YAP1: variants seen among roughly 807,000 people sequenced by gnomAD.
YAP1 encodes the protein transcriptional coactivator YAP1.
In YAP1, 5 loss-of-function variants were observed where a neutral mutation model predicts 56.9. The observed-to-expected ratio is 0.09, with a 90% confidence interval of 0.05 to 0.18. The LOEUF (loss-of-function observed/expected upper bound fraction) is 0.18. Ranked by LOEUF, YAP1 falls within the 10% of genes least tolerant of loss-of-function variation. The pLI is 1.00. For synonymous variants in YAP1, 265 were observed against 248.1 expected (o/e 1.07, Z -0.64); for missense variants, 539 against 651.8 (o/e 0.83, Z 1.88).
At chr11:102,226,400 C>T (rs1950198449) in intron 7 of YAP1, among the ~76,000 whole-genome samples, 1 of 152,150 alleles carries the variant, frequency 6.6e-6, no homozygotes, top group African/African-American at 2.4e-5. Context: ...GAGCTTTTAG[C>T]CTTGAGCAAT....
intron 4 of YAP1, among the ~76,000 whole-genome samples, chr11:102,193,869 C>T (rs1298773064): frequency 8.1e-5 from 12 of 148,740 alleles, no homozygotes; most frequent in South Asian, 2.1e-4. Context: ...GACGGAGTCT[C>T]GCTCTGTCGC....
chr11:102,111,273 C>T, intron 1 of YAP1, 104 bp downstream of exon 1: 1 of 1,404,262 alleles, frequency 7.1e-7, no homozygotes, highest in Non-Finnish European at 9.6e-7. Flanking sequence ...AGGGGGGTTG[C>T]GGGAACTCTA....
intron 4 of YAP1, among the ~76,000 whole-genome samples, chr11:102,199,038 GAGA>G (rs1208568310): frequency 6.6e-6 from 1 of 152,188 alleles, no homozygotes; most frequent in Non-Finnish European, 1.5e-5. Flanking sequence ...GTTTGTGGAG[GAGA>G]AGGAGAGAGG....
At chr11:102,199,013 T>C (rs1948710548) in intron 4 of YAP1, among the ~76,000 whole-genome samples, 1 of 152,166 alleles carries the variant, frequency 6.6e-6, no homozygotes, top group South Asian at 2.1e-4. Flanking sequence ...AGAGAATGTA[T>C]GTGTATGTCT....
intron 2 of YAP1, among the ~76,000 whole-genome samples, chr11:102,116,954 A>G (rs1943323121): frequency 6.6e-6 from 1 of 152,124 alleles, no homozygotes; most frequent in Non-Finnish European, 1.5e-5. Flanking sequence ...GGGCTTATAA[A>G]ATTTTGTATT....
At chr11:102,215,766 A>T (rs113683955) in intron 6 of YAP1, among the ~76,000 whole-genome samples, 7,577 of 152,292 alleles carry the variant, frequency 0.05, 595 homozygotes, top group African/African-American at 0.17. Flanking sequence ...GTCATGAGCC[A>T]CTGCGCCTGG....
intron 2 of YAP1, among the ~76,000 whole-genome samples, chr11:102,136,817 C>T (rs575065855): frequency 2.4e-4 from 37 of 152,212 alleles, no homozygotes; most frequent in East Asian, 1.2e-3. Flanking sequence ...CACTTCTGTC[C>T]GTAATAGTTG....
intron 3 of YAP1, among the ~76,000 whole-genome samples, chr11:102,169,185 A>G (rs1946765350): frequency 6.6e-6 from 1 of 152,222 alleles, no homozygotes; most frequent in Non-Finnish European, 1.5e-5. Context: ...TGTTGTGAGC[A>G]TTAAATGACA....
intron 6 of YAP1, among the ~76,000 whole-genome samples, chr11:102,220,369 C>G (rs912693446): frequency 2.6e-5 from 4 of 152,012 alleles, no homozygotes; most frequent in African/African-American, 9.7e-5. Flanking sequence ...AAACCAAAGA[C>G]CTTTAATTTG....
At chr11:102,141,052 C>G (rs911759782) in intron 2 of YAP1, among the ~76,000 whole-genome samples, 1 of 152,148 alleles carries the variant, frequency 6.6e-6, no homozygotes, top group African/African-American at 2.4e-5. Flanking sequence ...TTGTGCCTCA[C>G]CCCCATCTTT....
chr11:102,164,124 G>A (rs1946456709), intron 3 of YAP1, among the ~76,000 whole-genome samples: 1 of 150,710 alleles, frequency 6.6e-6, no homozygotes, highest in South Asian at 2.1e-4. Context: ...TGCAACCTCT[G>A]CCTCCCAGGT....
chr11:102,223,042 G>A (rs1459270394), intron 6 of YAP1, among the ~76,000 whole-genome samples: 24 of 151,582 alleles, frequency 1.6e-4, no homozygotes, highest in Admixed American at 1.4e-3. Context: ...TCAAGAGATC[G>A]AGACCATCCT....
At chr11:102,118,729 C>T (rs1331561416) in intron 2 of YAP1, among the ~76,000 whole-genome samples, 1 of 142,050 alleles carries the variant, frequency 7.0e-6, no homozygotes, top group Admixed American at 7.3e-5. Flanking sequence ...CCAGCCTGGG[C>T]GACAGAGCCA....
chr11:102,179,675 C>T (rs1229795877), intron 3 of YAP1, among the ~76,000 whole-genome samples: 1 of 152,072 alleles, frequency 6.6e-6, no homozygotes, highest in East Asian at 1.9e-4. Flanking sequence ...TTTTTCTTTC[C>T]CATTTTTCAT....
At chr11:102,223,072 C>T (rs934515404) in intron 6 of YAP1, among the ~76,000 whole-genome samples, 4 of 139,546 alleles carry the variant, frequency 2.9e-5, no homozygotes, top group East Asian at 2.2e-4. Flanking sequence ...GGTGAAACCC[C>T]GTCTCTACTA....
At chr11:102,158,071 T>C (rs1946056428) in intron 2 of YAP1, among the ~76,000 whole-genome samples, 2 of 152,190 alleles carry the variant, frequency 1.3e-5, no homozygotes, top group Admixed American at 1.3e-4. Context: ...GGAACCAGTT[T>C]GTTAGGTAGC....
At chr11:102,223,198 A>G (rs1022357478) in intron 6 of YAP1, among the ~76,000 whole-genome samples, 10 of 151,378 alleles carry the variant, frequency 6.6e-5, no homozygotes, top group African/African-American at 2.2e-4. Context: ...CAGTGAGCCA[A>G]GATTGCACCA....
intron 2 of YAP1, among the ~76,000 whole-genome samples, chr11:102,129,652 A>G (rs1291957150): frequency 6.6e-6 from 1 of 151,348 alleles, no homozygotes; most frequent in Non-Finnish European, 1.5e-5. Context: ...TTACCCATAG[A>G]TGATGGCTGA....
intron 2 of YAP1, among the ~76,000 whole-genome samples, chr11:102,148,463 G>A (rs913652579): frequency 1.3e-5 from 2 of 152,126 alleles, no homozygotes; most frequent in Non-Finnish European, 2.9e-5. Context: ...TGGTTTAGTG[G>A]TGGTTCACTC....
Sources: allele counts gnomAD v4.1 joint callset (sites outside exome capture counted in the v4.1 genomes callset), GRCh38; gene constraint gnomAD v4.1.1; transcripts MANE v1.5; gene names NCBI Gene and HGNC (gene_info 2026-07-23, HGNC 2026-07-21).